PTPRG: variants seen among roughly 807,000 people sequenced by gnomAD.
PTPRG encodes receptor-type tyrosine-protein phosphatase gamma.
PTPRG carries 102 observed loss-of-function variants against 165.3 expected under a neutral mutation model. The observed-to-expected ratio is 0.62, with a 90% CI of 0.53 to 0.73. PTPRG has a LOEUF of 0.73. PTPRG is among the 30% of genes least tolerant of loss of function. The pLI is 0.00. For missense variants in PTPRG, 1,866 were observed against 1,861.4 expected (o/e 1.00, Z -0.05); for synonymous variants, 675 against 669.5 (o/e 1.01, Z -0.13).
intron 2 of PTPRG, among the ~76,000 whole-genome samples, chr3:61,962,574 C>G (rs1303694080): frequency 6.6e-6 from 1 of 152,112 alleles, no homozygotes. Context: ...ATTCATGAAG[C>G]TTTTCTGAAG....
intron 2 of PTPRG, among the ~76,000 whole-genome samples, chr3:61,958,598 AG>A (rs2040085069): frequency 1.3e-5 from 2 of 152,158 alleles, no homozygotes; most frequent in African/African-American, 4.8e-5. Flanking sequence ...CCATAGTTAC[AG>A]GTTTTTTCTT....
chr3:61,752,982 T>G lies in PTPRG; in HGVS notation c.190+4000T>G, dbSNP rs1005667677. On this transcript the variant is annotated intron_variant, in intron 2 of 29. Coordinates refer to ENST00000474889, the MANE Select transcript of PTPRG (RefSeq NM_002841.4). ...TTATTTATTTTTGAAATGTTAAACTTTACCTTTATAGGCCTATCAAACAAT... is the reference window on the plus strand; with the variant it reads ...TTATTTATTTTTGAAATGTTAAACTGTACCTTTATAGGCCTATCAAACAAT... 2.0e-5 allele frequency among the ~76,000 whole-genome samples: 3 copies of G among 152,092 alleles called. No homozygotes were observed. The East Asian group carries it at 5.8e-4, about 29-fold the overall frequency.
chr3:62,093,442 C>T (rs1702010484), intron 5 of PTPRG, among the ~76,000 whole-genome samples: 1 of 152,180 alleles, frequency 6.6e-6, no homozygotes, highest in Non-Finnish European at 1.5e-5. Flanking sequence ...GTTGGTTTCC[C>T]CACCTTGGTT....
chr3:62,220,137 A>C (rs780563288), intron 13 of PTPRG, among the ~76,000 whole-genome samples: 8 of 152,240 alleles, frequency 5.3e-5, no homozygotes, highest in Non-Finnish European at 1.2e-4. Flanking sequence ...GAACAGCCAG[A>C]GGTCAGTGGG....
At chr3:62,247,487 C>G (rs1484114855) in intron 15 of PTPRG, among the ~76,000 whole-genome samples, 2 of 152,094 alleles carry the variant, frequency 1.3e-5, no homozygotes, top group African/African-American at 4.8e-5. Flanking sequence ...ATTAAATTCT[C>G]TTTCATCCTC....
chr3:61,827,016 A>G (rs1522549), intron 2 of PTPRG, among the ~76,000 whole-genome samples: 29,119 of 152,028 alleles, frequency 0.19, 2,971 homozygotes, highest in East Asian at 0.3. Context: ...TCAATCAGGC[A>G]ACTAGAATGA....
At chr3:62,017,438 C>G (rs191979837) in intron 4 of PTPRG, among the ~76,000 whole-genome samples, 1 of 148,020 alleles carries the variant, frequency 6.8e-6, no homozygotes, top group Non-Finnish European at 1.5e-5. Context: ...TTTTTTGAGG[C>G]GGAGTCTCGC....
intron 2 of PTPRG, among the ~76,000 whole-genome samples, chr3:61,947,077 A>T (rs780385980): frequency 6.6e-6 from 1 of 152,200 alleles, no homozygotes; most frequent in African/African-American, 2.4e-5. Context: ...TCTTTTAACA[A>T]TAGCCAAAGT....
At chr3:61,719,465 T>G (rs529140323) in intron 1 of PTPRG, among the ~76,000 whole-genome samples, 1 of 152,278 alleles carries the variant, frequency 6.6e-6, no homozygotes, top group Non-Finnish European at 1.5e-5. Flanking sequence ...GTAGTGACTC[T>G]TGGCTCTCCC....
At chr3:61,729,678 T>C (rs1010850536) in intron 1 of PTPRG, among the ~76,000 whole-genome samples, 1 of 152,212 alleles carries the variant, frequency 6.6e-6, no homozygotes, top group Admixed American at 6.5e-5. Context: ...TTTTTAACAA[T>C]TCACCATGCA....
In PTPRG at chr3:62,271,590, G is replaced by C. The variant is rs374203136; in HGVS notation, c.3182+35G>C. ...AGGATTCAACATGTGAAATAGATGG[G>C]GCAGGGGACTTAGGCCTCAGTGACC... On this transcript the variant is annotated intron_variant, in intron 21 of 29. Coordinates refer to ENST00000474889, the MANE Select transcript of PTPRG (RefSeq NM_002841.4). This position sits in a 1 kb window ranked among gnomAD's most constrained non-coding sequence, Gnocchi z 4.1. 6.3e-7 allele frequency: 1 copy of C among 1,584,362 alleles called. No individual in the cohort carries two copies. Among genetic ancestry groups the C allele is most frequent in the East Asian group, 2.3e-5 (1 of 44,410 alleles).
At chr3:62,196,294 T>C (rs1424705779) in intron 10 of PTPRG, among the ~76,000 whole-genome samples, 5 of 151,844 alleles carry the variant, frequency 3.3e-5, no homozygotes, top group Admixed American at 3.3e-4. Context: ...TCCCAGCTAC[T>C]TGGGAGACTG....
chr3:62,173,962 A>G (rs1286700365), intron 8 of PTPRG, among the ~76,000 whole-genome samples: 1 of 152,204 alleles, frequency 6.6e-6, no homozygotes, highest in African/African-American at 2.4e-5. Flanking sequence ...TTCTATATGG[A>G]TGTCATCCAT....
intron 4 of PTPRG, among the ~76,000 whole-genome samples, chr3:62,034,224 G>C (rs1329451460): frequency 6.6e-6 from 1 of 152,196 alleles, no homozygotes; most frequent in African/African-American, 2.4e-5. Context: ...CATGGGTTTT[G>C]CATCCTGAGA....
chr3:61,825,564 G>T (rs1040824956), intron 2 of PTPRG, among the ~76,000 whole-genome samples: 3 of 152,082 alleles, frequency 2.0e-5, no homozygotes, highest in African/African-American at 7.2e-5. Context: ...AGGCATTATT[G>T]TATGGTAGTT....
At chr3:62,057,098 G>A (rs1700658811) in intron 4 of PTPRG, among the ~76,000 whole-genome samples, 1 of 152,208 alleles carries the variant, frequency 6.6e-6, no homozygotes, top group Non-Finnish European at 1.5e-5. Flanking sequence ...TGACTCTGAT[G>A]GCAGACTGAA....
At chr3:61,922,192 C>G (rs1271837119) in intron 2 of PTPRG, among the ~76,000 whole-genome samples, 4 of 152,198 alleles carry the variant, frequency 2.6e-5, no homozygotes, top group Non-Finnish European at 1.5e-5. Flanking sequence ...GTACTAAAAT[C>G]ACTTCAAGGG....
chr3:61,626,709 TC>T (rs1391110784), intron 1 of PTPRG, among the ~76,000 whole-genome samples: 4 of 152,188 alleles, frequency 2.6e-5, no homozygotes, highest in African/African-American at 9.7e-5. Context: ...GTGCTCAACT[TC>T]CCAGCAGTGT....
At chr3:61,742,806 C>A in intron 1 of PTPRG, 2 of 1,607,342 alleles carry the variant, frequency 1.2e-6, no homozygotes, top group Non-Finnish European at 1.7e-6. Context: ...TGGCCAGCTT[C>A]TTGACCAGTT....
Sources: gnomAD v4.1 joint callset for allele counts (sites outside exome capture counted in the v4.1 genomes callset) on GRCh38, gnomAD v4.1.1 for gene constraint, Gnocchi (gnomAD v3.1) non-coding constraint, MANE v1.5 for transcripts, NCBI Gene and HGNC (gene_info 2026-07-23, HGNC 2026-07-21) for gene names.